The following PCDHA2 variants were observed in gnomAD, a reference collection of about 807,000 sequenced individuals.
The protein encoded by PCDHA2 is protocadherin alpha-2.
PCDHA2 carries 58 observed loss-of-function variants against 66.0 expected under a neutral mutation model. That is an observed-to-expected ratio of 0.88 (90% CI 0.71 to 1.09). The LOEUF is 1.09. Ranked by LOEUF, PCDHA2 falls within the 50% of genes least tolerant of loss-of-function variation. PCDHA2 has a pLI of 0.00. For synonymous variants in PCDHA2, 634 were observed against 554.0 expected (o/e 1.14, Z -2.03); for missense variants, 1,267 against 1,242.3 (o/e 1.02, Z -0.30).
At position 140,795,441 on chromosome 5, in the gene PCDHA2, T is replaced by G. The variant is rs1761958611; in HGVS notation, c.477T>G (p.Asp159Glu). Residue 159 changes from aspartate (D) to glutamate (E), a missense_variant, in exon 1 of 4, where the codon GAT becomes GAG. Coordinates refer to ENST00000526136, the MANE Select transcript of PCDHA2 (RefSeq NM_018905.3). ...GGTTTCCTCTAGAGGGAGCATCTGATGCAGATATAGGAGTAAATGCTCTTC... is the reference window on the plus strand; with the variant it reads ...GGTTTCCTCTAGAGGGAGCATCTGAGGCAGATATAGGAGTAAATGCTCTTC... ...DSRFPLEGAS[D>E]ADIGVNALLS... The G allele has an allele frequency of 6.2e-7, 1 of 1,614,108 alleles. No homozygotes were observed. Among genetic ancestry groups the G allele is most frequent in the African/African-American group, 1.3e-5 (1 of 74,942 alleles).
In PCDHA2 at chr5:140,795,027, C is replaced by T. The variant is rs782638964; in HGVS notation, c.63C>T (p.Leu21=). The change falls in exon 1 of 4, where the codon CTC becomes CTT. Residue 21 remains leucine (L), a synonymous_variant. Transcript: ENST00000526136. ...CACGGCTGCTCTCGCTTCTGCTCCTCGCAGCCTGGGAGGTGGGGAGCGGCC... is the reference window on the plus strand; with the variant it reads ...CACGGCTGCTCTCGCTTCTGCTCCTTGCAGCCTGGGAGGTGGGGAGCGGCC... The part of the protein sequence containing the change: ...AWTRLLSLLL[L]AAWEVGSGQL... 12 of 1,613,686 alleles carry T rather than the reference C, an allele frequency of 7.4e-6. No individual in the cohort carries two copies. In the South Asian group the frequency reaches 1.2e-4, roughly 16 times the overall value.
At chr5:140,848,284 A>G (rs1378049676) in intron 1 of PCDHA2, 1 of 612,322 alleles carries the variant, frequency 1.6e-6, no homozygotes, top group Non-Finnish European at 2.9e-6. Flanking sequence ...ATGTACTTAC[A>G]CTTTGGGCCA....
chr5:140,810,014 C>T (rs1474813044), intron 1 of PCDHA2: 2 of 155,844 alleles, frequency 1.3e-5, no homozygotes, highest in Non-Finnish European at 2.8e-5. Context: ...ATTTTTCCTC[C>T]AGTGTAACCG....
chr5:140,872,381 A>G (rs1211312378), intron 1 of PCDHA2, among the ~76,000 whole-genome samples: 2 of 152,058 alleles, frequency 1.3e-5, no homozygotes, highest in Non-Finnish European at 2.9e-5. Context: ...AATCCCAGCT[A>G]TTTGGGAGGC....
intron 1 of PCDHA2, chr5:140,821,814 C>T (rs139136006): frequency 5.7e-5 from 92 of 1,613,758 alleles, no homozygotes; most frequent in Non-Finnish European, 6.7e-5. Flanking sequence ...GATCCCGGCT[C>T]CTGCTGCTCT....
rs1423136904 is a variant in PCDHA2 at position 140,966,615 on chromosome 5, G to A, written c.2389-12334G>A. 1.0e-5 allele frequency: 8 copies of A among 773,600 alleles called. No individual in the cohort carries two copies. In the Admixed American group the frequency reaches 1.2e-4, roughly 12 times the overall value. The allele number at this position is 773,600 out of a possible 1,614,324, so 47.9% of individuals were successfully genotyped here. A position where few individuals can be genotyped will look rare whatever the true frequency, so the allele number is the denominator to read the frequency against. On this transcript the variant is annotated intron_variant, in intron 1 of 3. Transcript: ENST00000526136. The stretch of plus-strand genomic sequence containing the variant: ...GCCAGGAGCCCTTGGGAGGGCCTAC[G>A]GAGGGAGCGGCCCCAGGCGCTTTCT...
At chr5:140,975,160 T>G (rs2096656216) in intron 1 of PCDHA2, among the ~76,000 whole-genome samples, 1 of 152,194 alleles carries the variant, frequency 6.6e-6, no homozygotes, top group African/African-American at 2.4e-5. Flanking sequence ...CCTAGAGAAC[T>G]GAGGACTCAG....
At chr5:140,871,249 C>T (rs782675743) in intron 1 of PCDHA2, 1 of 1,613,984 alleles carries the variant, frequency 6.2e-7, no homozygotes, top group Non-Finnish European at 8.5e-7. Context: ...CACGCTGCTG[C>T]TGTATACGGC....
In PCDHA2 at chr5:140,806,389, A is replaced by T. The variant is rs147310754; in HGVS notation, c.2388+9037A>T. Among the ~76,000 whole-genome samples, 557 of 152,344 alleles carry T rather than the reference A, an allele frequency of 3.7e-3. 2 individuals are homozygous for T. Among genetic ancestry groups the T allele is most frequent in the African/African-American group, 0.013 (531 of 41,580 alleles). ...CAAAATGAGAATACCAGCGTTTCTC[A>T]TGGGAGCAAATGAGTTCCAATGAAT... On this transcript the variant is annotated intron_variant, in intron 1 of 3. Transcript: ENST00000526136.
rs782314357 is a variant in PCDHA2 at position 140,927,486 on chromosome 5, C to G, written c.2389-51463C>G. The G allele has an allele frequency of 6.2e-6, 10 of 1,614,128 alleles. No individual in the cohort carries two copies. In the East Asian group the frequency reaches 2.2e-4, roughly 36 times the overall value. ...CACTGGATCGCGAACAGCGCGCCACCCACCTGCTGGTGCTTACAGCTCGGG... is the reference window on the plus strand; with the variant it reads ...CACTGGATCGCGAACAGCGCGCCACGCACCTGCTGGTGCTTACAGCTCGGG... On this transcript the variant is annotated intron_variant, in intron 1 of 3. Coordinates refer to ENST00000526136, the MANE Select transcript of PCDHA2 (RefSeq NM_018905.3).
chr5:140,855,802 G>A (rs1329894390), intron 1 of PCDHA2: 2 of 477,954 alleles, frequency 4.2e-6, no homozygotes, highest in East Asian at 6.4e-5. Flanking sequence ...ACATATGAAT[G>A]AAAGAAAAGT....
At chr5:140,941,412 G>A (rs246068) in intron 1 of PCDHA2, among the ~76,000 whole-genome samples, 46,949 of 148,492 alleles carry the variant, frequency 0.32, 7,794 homozygotes, top group East Asian at 0.53. Context: ...CGCCTCCCGG[G>A]TTCAAGCAAT....
intron 1 of PCDHA2, chr5:140,857,484 G>T (rs1044921765): frequency 6.3e-7 from 1 of 1,598,534 alleles, no homozygotes; most frequent in Admixed American, 1.7e-5. Context: ...GTGTCTGCGT[G>T]GGACGCGGAC....
chr5:140,871,158 C>G (rs2052764728), intron 1 of PCDHA2: 20 of 1,613,444 alleles, frequency 1.2e-5, no homozygotes, highest in Non-Finnish European at 1.6e-5. Flanking sequence ...TGGCGGGCGC[C>G]GCGAGCCCAG....
intron 1 of PCDHA2, among the ~76,000 whole-genome samples, chr5:140,891,837 G>T (rs563744812): frequency 2.9e-4 from 44 of 152,264 alleles, no homozygotes; most frequent in Admixed American, 1.9e-3. Flanking sequence ...AAAAGGACTT[G>T]ATGGAAGGAG....
chr5:141,000,051 C>T (rs1483967510), intron 3 of PCDHA2, among the ~76,000 whole-genome samples: 3 of 152,100 alleles, frequency 2.0e-5, no homozygotes, highest in African/African-American at 7.2e-5. Flanking sequence ...ACACCACTCT[C>T]CCAGCTGCTC....
At chr5:140,982,585 A>G (rs782780327) in intron 3 of PCDHA2, 22 bp downstream of exon 3, 1 of 1,611,974 alleles carries the variant, frequency 6.2e-7, no homozygotes, top group Non-Finnish European at 8.5e-7. Context: ...GGGTCTCTCC[A>G]TTCTTTCTTG....
At chr5:140,960,743 G>A (rs1328860955) in intron 1 of PCDHA2, among the ~76,000 whole-genome samples, 3 of 151,482 alleles carry the variant, frequency 2.0e-5, no homozygotes, top group Non-Finnish European at 4.4e-5. Flanking sequence ...TTTAGTCCAT[G>A]GCTAAAATCC....
rs1554169144 is a variant in PCDHA2, at chr5:140,876,947, A to T, written c.2388+79595A>T. On this transcript the variant is annotated intron_variant, in intron 1 of 3. Transcript: ENST00000526136. ...GCGCAGAAGAACGCGCTGGTGTCCT[A>T]CTCGCTGGTGGAGCGGCGGGTGGGC... 1 of 1,613,496 alleles carries T rather than the reference A, an allele frequency of 6.2e-7. No homozygotes were observed. The highest frequency in any genetic ancestry group is 8.5e-7 in the Non-Finnish European group (1 of 1,179,858).
Sources: allele counts gnomAD v4.1 joint callset (sites outside exome capture counted in the v4.1 genomes callset), GRCh38; gene constraint gnomAD v4.1.1; transcripts MANE v1.5; gene names NCBI Gene and HGNC (gene_info 2026-07-23, HGNC 2026-07-21).